Variants in TSC22D4 observed in about 807,000 individuals in gnomAD.
TSC22D4 encodes TSC22 domain family protein 4.
A neutral mutation model predicts 24.9 loss-of-function variants in TSC22D4; 5 were observed. The ratio of observed to expected loss-of-function variants is 0.20; its 90% CI spans 0.10 to 0.42. The LOEUF (loss-of-function observed/expected upper bound fraction) is 0.42. Among genes scored for constraint, TSC22D4 ranks in the 10% least tolerant of loss-of-function variants. The probability of loss-of-function intolerance (pLI) is 1.00; values close to 1 mark genes in which losing one functional copy is unlikely to be tolerated. For synonymous variants in TSC22D4, 245 were observed against 243.2 expected (o/e 1.01, Z -0.07); for missense variants, 469 against 547.9 (o/e 0.86, Z 1.44).
Position 100,474,387 on chromosome 7 carries a change from A to T in TSC22D4, c.816T>A (p.Asp272Glu), listed in dbSNP as rs764435764. The T allele has an allele frequency of 1.1e-5, 17 of 1,613,976 alleles. No individual in the cohort carries two copies. In the African/African-American group the frequency reaches 2.3e-4, roughly 22 times the overall value. Residue 272 changes from aspartate to glutamate, a missense_variant, in exon 3 of 5, where the codon GAT (aspartate) becomes GAA (glutamate). Transcript: ENST00000300181. This position sits in a 1 kb window ranked among gnomAD's most constrained non-coding sequence, Gnocchi z 4.3. ...PSSPALYFTHDASLVHKSPDP... is the reference protein window; with the variant it reads ...PSSPALYFTHEASLVHKSPDP... ...CTGGAGATTTGTGAACCAGGCTGGCATCGTGGGTGAAGTAGAGGGCTGGGG... is the reference window on the plus strand; with the variant it reads ...CTGGAGATTTGTGAACCAGGCTGGCTTCGTGGGTGAAGTAGAGGGCTGGGG...
At chr7:100,467,475 A>T in intron 4 of TSC22D4, 77 bp downstream of exon 4, 1 of 1,495,780 alleles carries the variant, frequency 6.7e-7, no homozygotes, top group Non-Finnish European at 9.3e-7. Flanking sequence ...TTCCCTGGTA[A>T]GGAAGAGGAC....
At chr7:100,467,725 G>C in intron 3 of TSC22D4, 125 bp from the exon 4 acceptor site, 1 of 1,026,172 alleles carries the variant, frequency 9.7e-7, no homozygotes, top group Non-Finnish European at 1.5e-6. Context: ...GGAGAGGAGG[G>C]TTTTGTCCAT....
rs1472292829 is a variant in TSC22D4, at chr7:100,478,996, CG to C, written c.-473del. 6.6e-6 allele frequency: 1 copy of C among 152,220 alleles called. No homozygotes were observed. Among genetic ancestry groups the C allele is most frequent in the Non-Finnish European group, 1.5e-5 (1 of 68,090 alleles). 9.4% of individuals were successfully genotyped at this position (152,220 alleles called of 1,614,324 possible). On this transcript the variant is annotated 5_prime_UTR_variant, in exon 1 of 5. Coordinates refer to ENST00000300181, the MANE Select transcript of TSC22D4 (RefSeq NM_030935.5). Reference sequence around the variant, plus strand: ...TTTGCTCTCCGGAAAAGAAGAAACCCGCGCCTCCTCCGAGGAGCCTAGGAGC... The same window carrying C: ...TTTGCTCTCCGGAAAAGAAGAAACCCCGCCTCCTCCGAGGAGCCTAGGAGC...
chr7:100,471,379 A>C (rs1262183072), intron 3 of TSC22D4, among the ~76,000 whole-genome samples: 1 of 152,146 alleles, frequency 6.6e-6, no homozygotes, highest in Admixed American at 6.6e-5. Flanking sequence ...GTGGCTTTGG[A>C]GTTGGACCCA....
chr7:100,475,708 C>T (rs1436680055), intron 2 of TSC22D4, among the ~76,000 whole-genome samples: 1 of 149,056 alleles, frequency 6.7e-6, no homozygotes, highest in African/African-American at 2.5e-5. Context: ...TGGGGGGAGG[C>T]GGAGCCTGGG....
rs1210492443 is a variant in TSC22D4, at chr7:100,478,777, C to T, written c.-270+17G>A. 2.0e-5 allele frequency: 3 copies of T among 152,700 alleles called. No individual in the cohort carries two copies. Among genetic ancestry groups the T allele is most frequent in the Middle Eastern group, 3.4e-3 (1 of 296 alleles). 9.5% of individuals were successfully genotyped at this position (152,700 alleles called of 1,614,324 possible). On this transcript the variant is annotated intron_variant, in intron 1 of 4. Transcript: ENST00000300181. ...GCCCGGCTACCCCCCAGCGCCCCAC[C>T]CAGCCCTGAACCCTACCTCTGGGGC...
Position 100,474,062 on chromosome 7 carries a change from C to T in TSC22D4, c.929+212G>A, listed in dbSNP as rs577405214. The T allele has an allele frequency of 5.3e-6, 3 of 568,132 alleles. No homozygotes were observed. Among genetic ancestry groups the T allele is most frequent in the South Asian group, 4.4e-5 (2 of 45,570 alleles). 35.2% of individuals were successfully genotyped at this position (568,132 alleles called of 1,614,324 possible). On this transcript the variant is annotated intron_variant, in intron 3 of 4. Transcript: ENST00000300181. The surrounding 1 kb of genome is among the most constrained non-coding windows in gnomAD (Gnocchi z 4.3). ...AAGTCTGTGACCTGACAGTTCTGAGCCAGGGAGTCCCACCCAGCCCTCTCC... is the reference window on the plus strand; with the variant it reads ...AAGTCTGTGACCTGACAGTTCTGAGTCAGGGAGTCCCACCCAGCCCTCTCC...
In TSC22D4 at chr7:100,477,381, C is replaced by G; in HGVS notation, c.658G>C (p.Ala220Pro). 6.3e-7 allele frequency: 1 copy of G among 1,594,522 alleles called. No individual in the cohort carries two copies. Among genetic ancestry groups the G allele is most frequent in the Non-Finnish European group, 8.5e-7 (1 of 1,170,372 alleles). The change falls in exon 2 of 5, where the codon GCG (alanine) becomes CCG (proline). Residue 220 changes from alanine (A) to proline (P), a missense_variant. By Grantham distance (27) the Ala-to-Pro change is conservative (BLOSUM62 -1). Transcript: ENST00000300181. This position sits in a 1 kb window ranked among gnomAD's most constrained non-coding sequence, Gnocchi z 7.8. ...ATPLPSLRVE[A>P]EAGGSGARTP... ...CTGGCCCCTGAGCCCCCAGCCTCCG[C>G]TTCCACCCTCAGAGAGGGCAGGGGC... is the stretch of plus-strand genomic sequence containing the variant.
intron 2 of TSC22D4, among the ~76,000 whole-genome samples, chr7:100,475,642 T>G (rs1462927441): frequency 1.3e-5 from 2 of 151,182 alleles, no homozygotes; most frequent in African/African-American, 4.9e-5. Context: ...CGGACTCAGG[T>G]GGAATTCTGC....
In TSC22D4 at chr7:100,474,597, T is replaced by G. The variant is rs1335376630; in HGVS notation, c.763-157A>C. 1.3e-5 allele frequency among the ~76,000 whole-genome samples: 2 copies of G among 152,134 alleles called. No individual in the cohort carries two copies. Among genetic ancestry groups the G allele is most frequent in the African/African-American group, 2.4e-5 (1 of 41,422 alleles). On this transcript the variant is annotated intron_variant, in intron 2 of 4. Transcript: ENST00000300181. This position sits in a 1 kb window ranked among gnomAD's most constrained non-coding sequence, Gnocchi z 4.3. Reference sequence around the variant, plus strand: ...CCGCAGTCCTTCCCTCCTCCAGCTCTGGAGAAGGCATTAGGCAGGTACTAG... The same window carrying G: ...CCGCAGTCCTTCCCTCCTCCAGCTCGGGAGAAGGCATTAGGCAGGTACTAG...
chr7:100,466,925 C>A lies in TSC22D4; in HGVS notation c.*34G>T. On this transcript the variant is annotated 3_prime_UTR_variant, in exon 5 of 5. Coordinates refer to ENST00000300181, the MANE Select transcript of TSC22D4 (RefSeq NM_030935.5). ...GGCAGGCGGCTGACGCAAGGCCGGG[C>A]AGCCCCAAAGGCACATTGTAAGGGA... 6.7e-7 allele frequency: 1 copy of A among 1,498,732 alleles called. No individual in the cohort carries two copies. The highest frequency in any genetic ancestry group is 8.9e-7 in the Non-Finnish European group (1 of 1,120,162). The allele number at this position is 1,498,732 out of a possible 1,614,324, so 92.8% of individuals were successfully genotyped here.
In TSC22D4 at chr7:100,474,178, G is replaced by C; in HGVS notation, c.929+96C>G. Reference sequence around the variant, plus strand: ...GAGGTCCTCTCCAAGTTCAACCTGGGGGAAGGATGCCTACCAGGCACTTTC... The same window carrying C: ...GAGGTCCTCTCCAAGTTCAACCTGGCGGAAGGATGCCTACCAGGCACTTTC... On this transcript the variant is annotated intron_variant, in intron 3 of 4. Coordinates refer to ENST00000300181, the MANE Select transcript of TSC22D4 (RefSeq NM_030935.5). This position sits in a 1 kb window ranked among gnomAD's most constrained non-coding sequence, Gnocchi z 4.3. 4.6e-6 allele frequency: 7 copies of C among 1,515,922 alleles called. No homozygotes were observed. The highest frequency in any genetic ancestry group is 6.3e-6 in the Non-Finnish European group (7 of 1,113,304). 93.9% of individuals were successfully genotyped at this position (1,515,922 alleles called of 1,614,324 possible).
Position 100,474,278 on chromosome 7 carries a change from C to T in TSC22D4, c.925G>A (p.Asp309Asn), listed in dbSNP as rs752173969. 1 of 1,613,950 alleles carries T rather than the reference C, an allele frequency of 6.2e-7. No homozygotes were observed. Among genetic ancestry groups the T allele is most frequent in the South Asian group, 1.1e-5 (1 of 91,078 alleles). Residue 309 changes from aspartate to asparagine, a missense_variant, in exon 3 of 5, where the codon GAT (aspartate) becomes AAT (asparagine). Transcript: ENST00000300181. The surrounding 1 kb of genome is among the most constrained non-coding windows in gnomAD (Gnocchi z 4.3). ...CACCCCACGAAGCCCACCTACCTAT[C>T]ATCGTCGCTGTCTAGGTGACCACTG... is the stretch of plus-strand genomic sequence containing the variant. ...AISGHLDSDD[D>N]SGSGSLVGID...
rs755548525 is a variant in TSC22D4, at chr7:100,477,983, T to C, written c.56A>G (p.Tyr19Cys). 6.3e-7 allele frequency: 1 copy of C among 1,584,050 alleles called. No individual in the cohort carries two copies. The highest frequency in any genetic ancestry group is 8.6e-7 in the Non-Finnish European group (1 of 1,167,370). The change falls in exon 2 of 5, where the codon TAT (tyrosine) becomes TGT (cysteine). Residue 19 changes from tyrosine (Y) to cysteine (C), a missense_variant. Tyr to Cys is a radical substitution (Grantham distance 194). Transcript: ENST00000300181. The surrounding 1 kb of genome is among the most constrained non-coding windows in gnomAD (Gnocchi z 7.8). ...AGCCCCTGGGCTCCCAGGGCCCTCA[T>C]AGTCCGTGGTGACGCTGGTGATTTG... The part of the protein sequence containing the change: ...SFQITSVTTD[Y>C]EGPGSPGASD...
At position 100,477,223 on chromosome 7, in the gene TSC22D4, C is replaced by T. The variant is rs1037411370; in HGVS notation, c.762+54G>A. On this transcript the variant is annotated intron_variant, in intron 2 of 4. Coordinates refer to ENST00000300181, the MANE Select transcript of TSC22D4 (RefSeq NM_030935.5). The surrounding 1 kb of genome is among the most constrained non-coding windows in gnomAD (Gnocchi z 7.8). ...GGGGGGGAGGAGGAGGAAGGAGGCT[C>T]AAGATAGAGGTTAGGCCAGGGCTGA... The T allele has an allele frequency of 1.5e-6, 2 of 1,320,914 alleles. No homozygotes were observed. The highest frequency in any genetic ancestry group is 3.1e-5 in the African/African-American group (2 of 65,112). 81.8% of individuals were successfully genotyped at this position (1,320,914 alleles called of 1,614,324 possible). A position where few individuals can be genotyped will look rare whatever the true frequency, so the allele number is the denominator to read the frequency against.
chr7:100,473,773 T>G (rs1055289931), intron 3 of TSC22D4: 1 of 151,618 alleles, frequency 6.6e-6, no homozygotes, highest in Admixed American at 6.6e-5. Flanking sequence ...TATATATTTT[T>G]TTTTTCTTTC....
chr7:100,475,188 A>G (rs1281786618), intron 2 of TSC22D4, among the ~76,000 whole-genome samples: 1 of 152,072 alleles, frequency 6.6e-6, no homozygotes, highest in East Asian at 1.9e-4. Context: ...GGTTAAACTG[A>G]TTCTCCTGCC....
At chr7:100,471,430 C>G (rs1373813277) in intron 3 of TSC22D4, among the ~76,000 whole-genome samples, 2 of 152,124 alleles carry the variant, frequency 1.3e-5, no homozygotes, top group Non-Finnish European at 2.9e-5. Context: ...AGCTGGGTGG[C>G]CCTTGGGCAA....
At chr7:100,470,316 A>G (rs10215112) in intron 3 of TSC22D4, among the ~76,000 whole-genome samples, 95 of 152,128 alleles carry the variant, frequency 6.2e-4, no homozygotes, top group African/African-American at 2.2e-3. Context: ...AGCGCCTGGG[A>G]GTTTTTGCTC....
Sources: allele counts gnomAD v4.1 joint callset (sites outside exome capture counted in the v4.1 genomes callset), GRCh38; gene constraint gnomAD v4.1.1; non-coding constraint Gnocchi (gnomAD v3.1); transcripts MANE v1.5; gene names NCBI Gene and HGNC (gene_info 2026-07-23, HGNC 2026-07-21).